The following SORCS1 variants were observed in gnomAD, a reference collection of about 807,000 sequenced individuals.
SORCS1 encodes sortilin related VPS10 domain containing receptor 1.
Under a neutral mutation model 146.1 loss-of-function variants are expected in SORCS1, and 60 were observed. That is an observed-to-expected ratio of 0.41 (90% CI 0.33 to 0.51). The LOEUF (loss-of-function observed/expected upper bound fraction) is 0.51. SORCS1 is among the 20% of genes least tolerant of loss of function. The pLI is 0.21. For missense variants in SORCS1, 1,352 were observed against 1,487.6 expected (o/e 0.91, Z 1.50); for synonymous variants, 637 against 584.0 (o/e 1.09, Z -1.31).
chr10:106,952,909 G>T (rs905318227), intron 2 of SORCS1, among the ~76,000 whole-genome samples: 1 of 151,742 alleles, frequency 6.6e-6, no homozygotes, highest in African/African-American at 2.4e-5. Flanking sequence ...CTTTTATCTG[G>T]GTGTTTGAGG....
chr10:107,046,318 T>C (rs1248497108), intron 1 of SORCS1, among the ~76,000 whole-genome samples: 2 of 152,138 alleles, frequency 1.3e-5, no homozygotes, highest in Non-Finnish European at 2.9e-5. Context: ...GCAATCCTTC[T>C]GCCTTGGCCT....
At chr10:106,752,545 A>C (rs569713824) in intron 5 of SORCS1, among the ~76,000 whole-genome samples, 1 of 152,360 alleles carries the variant, frequency 6.6e-6, no homozygotes, top group African/African-American at 2.4e-5. Flanking sequence ...ATACAGAATT[A>C]GAGTGGGTAG....
intron 14 of SORCS1, among the ~76,000 whole-genome samples, chr10:106,673,195 G>C (rs1026463066): frequency 4.7e-5 from 7 of 150,232 alleles, no homozygotes; most frequent in Admixed American, 6.6e-5. Context: ...GCAGTGGTGC[G>C]ATCTCGGCTC....
At chr10:106,886,756 C>A (rs1589633085) in intron 2 of SORCS1, among the ~76,000 whole-genome samples, 1 of 152,120 alleles carries the variant, frequency 6.6e-6, no homozygotes, top group African/African-American at 2.4e-5. Flanking sequence ...CCCTATAATG[C>A]CATAAAGCTC....
upstream of SORCS1, among the ~76,000 whole-genome samples, chr10:107,166,954 A>C (rs2134977355): frequency 6.6e-6 from 1 of 152,358 alleles, no homozygotes; most frequent in East Asian, 1.9e-4. Context: ...TGCTCGTACA[A>C]GTAGAGTAGA....
chr10:106,949,895 T>G (rs1158586228), intron 2 of SORCS1, among the ~76,000 whole-genome samples: 2 of 152,198 alleles, frequency 1.3e-5, no homozygotes, highest in African/African-American at 4.8e-5. Context: ...GCCTAGGGCT[T>G]TCTCACCAGC....
intron 1 of SORCS1, among the ~76,000 whole-genome samples, chr10:107,090,410 C>G (rs1964101987): frequency 2.0e-5 from 3 of 152,122 alleles, no homozygotes. Flanking sequence ...AGAAAGAGAG[C>G]ACAGAGGAGT....
chr10:106,948,410 C>G (rs1422564808), intron 2 of SORCS1, among the ~76,000 whole-genome samples: 1 of 151,778 alleles, frequency 6.6e-6, no homozygotes, highest in East Asian at 1.9e-4. Flanking sequence ...GAGTGGCTCA[C>G]GTCTGTAATC....
chr10:106,938,794 G>T (rs1953882551), intron 2 of SORCS1, among the ~76,000 whole-genome samples: 1 of 152,154 alleles, frequency 6.6e-6, no homozygotes, highest in African/African-American at 2.4e-5. Flanking sequence ...GACTTCTGGG[G>T]AGCTGCCAAA....
Position 106,843,714 on chromosome 10 carries a change from C to G in SORCS1, c.627-14041G>C, listed in dbSNP as rs113385080. ...CCCCCCAAAGTGCTGGGATTACAGGCGTGAGCCACTGCACCCAGACAAGAT... is the reference window on the plus strand; with the variant it reads ...CCCCCCAAAGTGCTGGGATTACAGGGGTGAGCCACTGCACCCAGACAAGAT... On this transcript the variant is annotated intron_variant, in intron 2 of 25. Coordinates refer to ENST00000263054, the MANE Select transcript of SORCS1 (RefSeq NM_052918.5). Among the ~76,000 whole-genome samples, 1,030 of 152,220 alleles carry G rather than the reference C, an allele frequency of 6.8e-3. 9 individuals carry two copies. The highest frequency in any genetic ancestry group is 0.024 in the African/African-American group (981 of 41,542).
intron 1 of SORCS1, among the ~76,000 whole-genome samples, chr10:107,053,119 G>A (rs988730680): frequency 5.3e-5 from 8 of 151,980 alleles, no homozygotes; most frequent in East Asian, 1.9e-4. Context: ...CTTTTCCCTC[G>A]CTTATAGCCA....
intron 24 of SORCS1, among the ~76,000 whole-genome samples, chr10:106,596,965 C>A (rs1490599305): frequency 6.6e-6 from 1 of 152,128 alleles, no homozygotes; most frequent in Non-Finnish European, 1.5e-5. Context: ...GATTCTCCTG[C>A]CTCAGCCTCT....
chr10:106,816,474 T>C (rs1178466649), intron 3 of SORCS1, among the ~76,000 whole-genome samples: 2 of 152,214 alleles, frequency 1.3e-5, no homozygotes, highest in Non-Finnish European at 2.9e-5. Context: ...CAGCTTGCCA[T>C]AGAGCATACC....
intron 2 of SORCS1, among the ~76,000 whole-genome samples, chr10:106,880,118 C>T (rs1296273112): frequency 6.6e-6 from 1 of 152,172 alleles, no homozygotes; most frequent in Non-Finnish European, 1.5e-5. Context: ...GCAAAGTGTT[C>T]ACAGTATCAT....
chr10:106,987,070 G>T (rs1010702255), intron 1 of SORCS1, among the ~76,000 whole-genome samples: 1 of 152,120 alleles, frequency 6.6e-6, no homozygotes, highest in Non-Finnish European at 1.5e-5. Flanking sequence ...CAGGGAACTG[G>T]ATCTTTTCTT....
At chr10:106,966,554 C>T (rs1042118535) in intron 1 of SORCS1, among the ~76,000 whole-genome samples, 1 of 152,140 alleles carries the variant, frequency 6.6e-6, no homozygotes, top group East Asian at 1.9e-4. Context: ...CCACTGCATA[C>T]CCCTTGAGGA....
chr10:107,164,716 G>T (rs1447924743), upstream of SORCS1, among the ~76,000 whole-genome samples: 5 of 150,074 alleles, frequency 3.3e-5, no homozygotes, highest in African/African-American at 9.7e-5. This position sits in a 1 kb window ranked among gnomAD's most constrained non-coding sequence, Gnocchi z 6.8. Context: ...TGCCGAGCGC[G>T]GGTCCGGACG....
chr10:106,811,967 A>G (rs1261965511), intron 3 of SORCS1, among the ~76,000 whole-genome samples: 1 of 151,780 alleles, frequency 6.6e-6, no homozygotes, highest in African/African-American at 2.4e-5. Flanking sequence ...GGAGTTTATC[A>G]TACTTACCTT....
rs1564818460 is a variant in SORCS1 at position 106,926,856 on chromosome 10, CACACACACACAG to C, written c.626+29645_626+29656del. On this transcript the variant is annotated intron_variant, in intron 2 of 25. Transcript: ENST00000263054. Reference sequence around the variant, plus strand: ...ACACACACACACACACACACACACACACACACACACAGAGAGAGAGAGAGAGAGAGAGAGAGA... The same window carrying C: ...ACACACACACACACACACACACACACAGAGAGAGAGAGAGAGAGAGAGAGA... Among the ~76,000 whole-genome samples, 193 of 102,030 alleles carry C rather than the reference CACACACACACAG, an allele frequency of 1.9e-3. 1 individual carries two copies. Among genetic ancestry groups the C allele is most frequent in the South Asian group, 0.011 (35 of 3,118 alleles). The allele number at this position is 102,030 out of a possible 152,430, so 66.9% of individuals were successfully genotyped here.
Sources: allele counts gnomAD v4.1 joint callset (sites outside exome capture counted in the v4.1 genomes callset), GRCh38; gene constraint gnomAD v4.1.1; non-coding constraint Gnocchi (gnomAD v3.1); transcripts MANE v1.5; gene names NCBI Gene and HGNC (gene_info 2026-07-23, HGNC 2026-07-21).